CDAN1: variants seen among roughly 807,000 people sequenced by gnomAD.
The protein encoded by CDAN1 is codanin 1, also known as codanin-1.
Under a neutral mutation model 139.8 loss-of-function variants are expected in CDAN1, and 107 were observed. The observed-to-expected ratio is 0.77, with a 90% confidence interval of 0.65 to 0.90. The LOEUF is 0.90. Among genes scored for constraint, CDAN1 ranks in the 40% least tolerant of loss-of-function variants. The pLI is 0.00. For missense variants in CDAN1, 1,667 were observed against 1,575.7 expected (o/e 1.06, Z -0.98); for synonymous variants, 776 against 660.6 (o/e 1.17, Z -2.68).
In CDAN1 at chr15:42,730,120, C is replaced by G; in HGVS notation, c.2262+8G>C. 6.2e-7 allele frequency: 1 copy of G among 1,613,690 alleles called. No homozygotes were observed. Among genetic ancestry groups the G allele is most frequent in the Non-Finnish European group, 8.5e-7 (1 of 1,179,576 alleles). ...CCTCTCTCCAATCTGGACCCTCACT[C>G]TGCCCACCTGGAAAAGCCAGCCCAG... On this transcript the variant is annotated splice_region_variant and intron_variant, in intron 15 of 27. Transcript: ENST00000356231.
chr15:42,733,162 T>C lies in CDAN1; in HGVS notation c.1392A>G (p.Arg464=), dbSNP rs1486471585. The C allele has an allele frequency of 1.2e-6, 2 of 1,614,034 alleles. No homozygotes were observed. Among genetic ancestry groups the C allele is most frequent in the Non-Finnish European group, 8.5e-7 (1 of 1,180,002 alleles). The part of the protein sequence containing the change: ...KQRDVFYEVL[R]EWEDHHEEPG... ...GCTCCTCATGGTGATCTTCCCACTC[T>C]CGCAGCACCTCATAAAACACATCCC... Residue 464 remains arginine (R), a synonymous_variant, in exon 9 of 28, where the codon CGA becomes CGG. Coordinates refer to ENST00000356231, the MANE Select transcript of CDAN1 (RefSeq NM_138477.4).
At chr15:42,735,435 C>A in intron 4 of CDAN1, 61 bp from the exon 5 acceptor site, 1 of 1,596,376 alleles carries the variant, frequency 6.3e-7, no homozygotes, top group Non-Finnish European at 8.5e-7. Flanking sequence ...AGGCTCAGTT[C>A]CAAGTGCCTT....
intron 25 of CDAN1, 116 bp downstream of exon 25, chr15:42,725,975 CAAAAAA>C (rs886492399): frequency 9.2e-4 from 325 of 353,904 alleles, no homozygotes; most frequent in East Asian, 6.2e-3. Context: ...GATTCCGTCT[CAAAAAA>C]AAAAAAAAAA....
intron 17 of CDAN1, 87 bp downstream of exon 17, chr15:42,729,481 T>A (rs1408817860): frequency 1.4e-5 from 22 of 1,600,752 alleles, no homozygotes; most frequent in Non-Finnish European, 1.9e-5. Context: ...AACGGAGCAA[T>A]ATCCAAGGGA....
rs1267114336 is a variant in CDAN1 at position 42,736,362 on chromosome 15, G to A, written c.509C>T (p.Pro170Leu). 6.2e-7 allele frequency: 1 copy of A among 1,613,764 alleles called. No homozygotes were observed. The highest frequency in any genetic ancestry group is 2.2e-5 in the East Asian group (1 of 44,862). ...SRPSLTLSDP[P>L]NLSNLEEFPP... ...GAACTCCTCCAGGTTGCTGAGGTTT[G>A]GCGGATCAGACAGCGTGAGGCTGGG... Residue 170 changes from proline (P) to leucine (L), a missense_variant, in exon 2 of 28, where the codon CCA becomes CTA. Pro to Leu is a moderately conservative substitution (Grantham distance 98). Transcript: ENST00000356231.
At chr15:42,733,002 G>A in intron 9 of CDAN1, 95 bp downstream of exon 9, 1 of 950,522 alleles carries the variant, frequency 1.1e-6, no homozygotes, top group Non-Finnish European at 1.6e-6. Flanking sequence ...GCTGGTAGGA[G>A]CGGGGAAAAC....
chr15:42,725,228 T>G lies in CDAN1; in HGVS notation c.3474A>C (p.Leu1158=), dbSNP rs16957091. 435,954 of 1,613,572 alleles carry G rather than the reference T, an allele frequency of 0.27. 75,750 individuals carry two copies. Among genetic ancestry groups the G allele is most frequent in the African/African-American group, 0.85 (63,894 of 74,980 alleles). ...TCAGACCCTTCTCCACCAGCTCCCG[T>G]AGCAAGAATAGCAGCAAGTCCCACT... is the stretch of plus-strand genomic sequence containing the variant. ...PREWDLLLFL[L]RELVEKGLMG... The change falls in exon 27 of 28, where the codon CTA becomes CTC. Residue 1158 remains leucine (L), a synonymous_variant. Coordinates refer to ENST00000356231, the MANE Select transcript of CDAN1 (RefSeq NM_138477.4).
Position 42,736,657 on chromosome 15 carries a change from G to A in CDAN1, c.214C>T (p.Pro72Ser), listed in dbSNP as rs778195704. Reference sequence around the variant, plus strand: ...GCCGAGGCGCCCGGGGTCTTGGCGGGGGTCGGGGGCCCCTGCGGGAGGACG... The same window carrying A: ...GCCGAGGCGCCCGGGGTCTTGGCGGAGGTCGGGGGCCCCTGCGGGAGGACG... ...SRVLPQGPPT[P>S]AKTPGASAAL... Residue 72 changes from proline to serine, a missense_variant, in exon 2 of 28, where the codon CCC becomes TCC. Pro to Ser is a moderately conservative substitution (Grantham distance 74). Around this residue, in one of 3 missense-constraint regions of CDAN1, gnomAD observed 487 missense variants for 422.2 expected, o/e 1.15. Coordinates refer to ENST00000356231, the MANE Select transcript of CDAN1 (RefSeq NM_138477.4). The A allele has an allele frequency of 5.9e-6, 9 of 1,536,434 alleles. No individual in the cohort carries two copies. Among genetic ancestry groups the A allele is most frequent in the East Asian group, 2.6e-5 (1 of 39,034 alleles).
chr15:42,730,712 C>G lies in CDAN1; in HGVS notation c.2060G>C (p.Arg687Pro), dbSNP rs555346760. ...RTLLQRGLQA[R>P]RAVLTVPWLV... ...CCAGGGCACGGTGAGCACCGCCCGG[C>G]GGGCCTGCAGCCCTCGCTGCAGCAG... Residue 687 changes from arginine to proline, a missense_variant, in exon 14 of 28, where the codon CGC (arginine) becomes CCC (proline). This residue lies in a region of CDAN1 where 936 missense variants were observed against 844.1 expected (regional missense o/e 1.11). Transcript: ENST00000356231. 1 of 1,613,152 alleles carries G rather than the reference C, an allele frequency of 6.2e-7. No homozygotes were observed. The highest frequency in any genetic ancestry group is 1.1e-5 in the South Asian group (1 of 90,974).
intron 16 of CDAN1, 67 bp downstream of exon 16, chr15:42,729,729 C>G (rs2061583603): frequency 5.7e-6 from 9 of 1,581,920 alleles, no homozygotes; most frequent in Non-Finnish European, 7.8e-6. Flanking sequence ...CTGGCTGGGC[C>G]TCCCCAGGCA....
intron 10 of CDAN1, 75 bp downstream of exon 10, chr15:42,732,258 C>G: frequency 7.2e-7 from 1 of 1,395,264 alleles, no homozygotes; most frequent in Non-Finnish European, 1.0e-6. Context: ...TGCCCTATCC[C>G]AAAGTGCAGC....
Position 42,725,228 on chromosome 15 carries a change from T to A in CDAN1, c.3474A>T (p.Leu1158=), listed in dbSNP as rs16957091. 3 of 1,613,916 alleles carry A rather than the reference T, an allele frequency of 1.9e-6. No homozygotes were observed. Among genetic ancestry groups the A allele is most frequent in the Non-Finnish European group, 2.5e-6 (3 of 1,179,912 alleles). Residue 1158 remains leucine (L), a synonymous_variant, in exon 27 of 28, where the codon CTA becomes CTT. Transcript: ENST00000356231. ...TCAGACCCTTCTCCACCAGCTCCCG[T>A]AGCAAGAATAGCAGCAAGTCCCACT... The part of the protein sequence containing the change: ...PREWDLLLFL[L]RELVEKGLMG...
Position 42,723,666 on chromosome 15 carries a change from CA to C in CDAN1, c.*824del, listed in dbSNP as rs1433777809. ...ACTACCTGCACAGGGGCTGAAGGTA[CA>C]GGGGGAAAGTCAGGTTTCAGTTGGT... On this transcript the variant is annotated 3_prime_UTR_variant, in exon 28 of 28. Transcript: ENST00000356231. The C allele has an allele frequency of 6.6e-6, 1 of 152,294 alleles. No homozygotes were observed. Among genetic ancestry groups the C allele is most frequent in the Non-Finnish European group, 1.5e-5 (1 of 68,118 alleles). 9.4% of individuals were successfully genotyped at this position (152,294 alleles called of 1,614,324 possible).
chr15:42,729,922 A>ACCGG, intron 15 of CDAN1, 37 bp from the exon 16 acceptor site: 1 of 1,513,206 alleles, frequency 6.6e-7, no homozygotes, highest in Non-Finnish European at 9.1e-7. Context: ...AACTTCAGAG[A>ACCGG]CCCCCACCCA....
chr15:42,736,682 G>A lies in CDAN1; in HGVS notation c.189C>T (p.Arg63=), dbSNP rs745976545. 1.4e-5 allele frequency: 21 copies of A among 1,547,786 alleles called. No homozygotes were observed. The highest frequency in any genetic ancestry group is 1.8e-5 in the Non-Finnish European group (21 of 1,149,336). ...GGGTCGGGGGCCCCTGCGGGAGGACGCGGCTGCTCTGCTCCCTCAGGAAGT... is the reference window on the plus strand; with the variant it reads ...GGGTCGGGGGCCCCTGCGGGAGGACACGGCTGCTCTGCTCCCTCAGGAAGT... ...LLNFLREQSS[R]VLPQGPPTPA... The change falls in exon 2 of 28, where the codon CGC becomes CGT. Residue 63 remains arginine (R), a synonymous_variant. Transcript: ENST00000356231.
rs1306172014 is a variant in CDAN1 at position 42,736,069 on chromosome 15, A to C, written c.579T>G (p.Pro193=). 4.3e-6 allele frequency: 7 copies of C among 1,614,174 alleles called. No homozygotes were observed. The highest frequency in any genetic ancestry group is 1.1e-5 in the South Asian group (1 of 91,084). ...CCGGAGTTGGGTTGATCCTGCGAGA[A>C]GGCTTCGTCCTGCTGAGAGTAGCCA... ...SVPPGPTGTK[P]SRRINPTPVS... is the part of the protein sequence containing the mutation. Residue 193 remains proline, a synonymous_variant, in exon 3 of 28, where the codon CCT becomes CCG. Transcript: ENST00000356231.
chr15:42,734,282 A>G lies in CDAN1; in HGVS notation c.1201T>C (p.Phe401Leu). Residue 401 changes from phenylalanine to leucine, a missense_variant, in exon 7 of 28, where the codon TTC becomes CTC. Around this residue, in one of 3 missense-constraint regions of CDAN1, gnomAD observed 244 missense variants for 309.4 expected, o/e 0.79. Transcript: ENST00000356231. The stretch of plus-strand genomic sequence containing the variant: ...AGGCGGCCTTGCAGAGCTGGTGAGA[A>G]GCACAGCAGCCGCTCATTCTCAGCC... ...LLAENERLLCFSPALQGRLRA... is the reference protein window; with the variant it reads ...LLAENERLLCLSPALQGRLRA... 6.2e-7 allele frequency: 1 copy of G among 1,614,116 alleles called. No individual in the cohort carries two copies. The highest frequency in any genetic ancestry group is 8.5e-7 in the Non-Finnish European group (1 of 1,180,038).
In CDAN1 at chr15:42,726,364, TG is replaced by T; in HGVS notation, c.3149del (p.Pro1050GlnfsTer8). ...GPRDPDEGVSPEHLEQLLGQL... is the reference protein window; with the variant it reads ...GPRDPDEGVSXEHLEQLLGQL... Reference sequence around the variant, plus strand: ...GGCCTAGGAGCTGTTCCAGATGCTCTGGGGAGACTCCCTCGTCAGGGTCCCG... The same window carrying T: ...GGCCTAGGAGCTGTTCCAGATGCTCTGGGAGACTCCCTCGTCAGGGTCCCG... On this transcript the variant is annotated frameshift_variant, in exon 24 of 28. Transcript: ENST00000356231. LOFTEE classifies it high-confidence loss of function. The T allele has an allele frequency of 6.3e-7, 1 of 1,598,822 alleles. No individual in the cohort carries two copies. The highest frequency in any genetic ancestry group is 1.1e-5 in the South Asian group (1 of 88,442).
Position 42,730,974 on chromosome 15 carries a change from G to C in CDAN1, c.1958C>G (p.Pro653Arg), listed in dbSNP as rs769953840. 1.2e-6 allele frequency: 2 copies of C among 1,614,064 alleles called. No homozygotes were observed. Among genetic ancestry groups the C allele is most frequent in the African/African-American group, 2.7e-5 (2 of 74,926 alleles). ...GTCCTGAAGCTCACCGGTCGGGGGA[G>C]GTTCAGGCCCCCGGTATGGCAGGAA... ...VAFLPYRGPE[P>R]PPTGELQDSI... The change falls in exon 13 of 28, where the codon CCT becomes CGT. Residue 653 changes from proline to arginine, a missense_variant. Pro to Arg is a moderately radical substitution (Grantham distance 103). Transcript: ENST00000356231.
Sources: allele counts gnomAD v4.1 joint callset, GRCh38; gene constraint gnomAD v4.1.1; regional missense constraint gnomAD v4.1.1; transcripts MANE v1.5; gene names NCBI Gene and HGNC (gene_info 2026-07-23, HGNC 2026-07-21).